PCDHA5: variants seen among roughly 807,000 people sequenced by gnomAD.
PCDHA5 encodes protocadherin alpha-5.
PCDHA5 carries 43 observed loss-of-function variants against 61.6 expected under a neutral mutation model. The ratio of observed to expected loss-of-function variants is 0.70; its 90% CI spans 0.55 to 0.90. The LOEUF is 0.90. Ranked by LOEUF, PCDHA5 falls within the 40% of genes least tolerant of loss-of-function variation. The probability of loss-of-function intolerance (pLI) is 0.00; values close to 1 mark genes in which losing one functional copy is unlikely to be tolerated. For synonymous variants in PCDHA5, 627 were observed against 543.9 expected (o/e 1.15, Z -2.13); for missense variants, 1,298 against 1,222.7 (o/e 1.06, Z -0.92).
At chr5:140,862,620 G>C in intron 1 of PCDHA5, 1 of 528,384 alleles carries the variant, frequency 1.9e-6, no homozygotes, top group Non-Finnish European at 3.8e-6. Context: ...GTAACAACCC[G>C]CGGGGCTGCC....
At chr5:140,865,421 T>C (rs2048870756) in intron 1 of PCDHA5, 1 of 152,208 alleles carries the variant, frequency 6.6e-6, no homozygotes, top group Non-Finnish European at 1.5e-5. Context: ...TAGTAGTGTC[T>C]ACCTAGAAAA....
chr5:140,941,185 C>CTTT (rs782102770), intron 1 of PCDHA5, among the ~76,000 whole-genome samples: 77 of 102,238 alleles, frequency 7.5e-4, no homozygotes, highest in Admixed American at 3.0e-3. Flanking sequence ...CATCCTGCTT[C>CTTT]TTTTTTTTTC....
intron 1 of PCDHA5, chr5:140,870,359 C>T (rs781862161): frequency 2.5e-6 from 4 of 1,614,204 alleles, no homozygotes; most frequent in Middle Eastern, 1.6e-4. Context: ...AACGTGTGGG[C>T]CTATGAACTG....
intron 1 of PCDHA5, among the ~76,000 whole-genome samples, chr5:140,948,438 G>A (rs2094254732): frequency 6.6e-6 from 1 of 151,474 alleles, no homozygotes; most frequent in South Asian, 2.1e-4. Context: ...GAAACATTCT[G>A]TGCCAGGGAT....
chr5:140,836,616 G>A, intron 1 of PCDHA5: 5 of 1,613,694 alleles, frequency 3.1e-6, no homozygotes, highest in Non-Finnish European at 4.2e-6. Context: ...CTCCAGCGCG[G>A]TGGGGAGCTG....
intron 1 of PCDHA5, among the ~76,000 whole-genome samples, chr5:140,965,464 C>T (rs987279720): frequency 1.3e-5 from 2 of 151,782 alleles, no homozygotes; most frequent in Admixed American, 1.3e-4. Context: ...AAGATAAATC[C>T]CAGACTCCCA....
chr5:140,944,301 C>T (rs1320988632), intron 1 of PCDHA5, among the ~76,000 whole-genome samples: 1 of 152,176 alleles, frequency 6.6e-6, no homozygotes, highest in Non-Finnish European at 1.5e-5. Flanking sequence ...GATCCTCCTA[C>T]CTCAGCCTCC....
chr5:140,829,536 C>A, intron 1 of PCDHA5: 1 of 1,613,152 alleles, frequency 6.2e-7, no homozygotes, highest in Middle Eastern at 1.9e-4. Flanking sequence ...GCGCGAGACG[C>A]GGACGCGCAG....
At chr5:140,928,809 G>A (rs1563109634) in intron 1 of PCDHA5, 2 of 1,614,078 alleles carry the variant, frequency 1.2e-6, no homozygotes, top group African/African-American at 2.7e-5. Flanking sequence ...TAGTGGTTCG[G>A]GACCATGGAG....
Position 140,928,944 on chromosome 5 carries a change from A to C in PCDHA5, c.2353-50005A>C, listed in dbSNP as rs782627710. The C allele has an allele frequency of 6.2e-6, 10 of 1,614,070 alleles. No homozygotes were observed. In the Admixed American group the frequency reaches 1.7e-4, roughly 27 times the overall value. On this transcript the variant is annotated intron_variant, in intron 1 of 3. Transcript: ENST00000529859. ...AGCTTTCTGCCCAGAACTTGTATTTAGTAATTGCCTTGGCTTGTATTTCCT... is the reference window on the plus strand; with the variant it reads ...AGCTTTCTGCCCAGAACTTGTATTTCGTAATTGCCTTGGCTTGTATTTCCT...
intron 1 of PCDHA5, among the ~76,000 whole-genome samples, chr5:140,937,865 T>C (rs1056873213): frequency 2.0e-5 from 3 of 149,988 alleles, no homozygotes; most frequent in Non-Finnish European, 2.9e-5. Context: ...TGAGCCGAGA[T>C]CGCGCCACTG....
chr5:140,852,911 C>G lies in PCDHA5; in HGVS notation c.2352+28784C>G, dbSNP rs2150524968. ...TTTTTTTTTTTGAGTCAGAGTCTCG[C>G]TCTGTTGCCCAGGCTGGAGTGCAGT... On this transcript the variant is annotated intron_variant, in intron 1 of 3. Transcript: ENST00000529859. The G allele has an allele frequency of 3.8e-6, 3 of 791,732 alleles. 1 individual carries two copies. The South Asian group carries it at 1.7e-4, about 44-fold the overall frequency. The allele number at this position is 791,732 out of a possible 1,614,324, so 49.0% of individuals were successfully genotyped here. A position where few individuals can be genotyped will look rare whatever the true frequency, so the allele number is the denominator to read the frequency against.
intron 1 of PCDHA5, chr5:140,869,855 T>C: frequency 6.2e-7 from 1 of 1,610,578 alleles, no homozygotes; most frequent in Non-Finnish European, 8.5e-7. Context: ...AAGGTGAGCC[T>C]TATGGAAAAT....
At position 140,822,983 on chromosome 5, in the gene PCDHA5, A is replaced by G. The variant is rs2150121029; in HGVS notation, c.1208A>G (p.Tyr403Cys). ...PFKLVSTFKNYYSLVLDSALD... is the reference protein window; with the variant it reads ...PFKLVSTFKNCYSLVLDSALD... ...AAGCTGGTGTCCACCTTCAAGAATT[A>G]CTACTCGTTGGTGCTGGACAGCGCC... The change falls in exon 1 of 4, where the codon TAC becomes TGC. Residue 403 changes from tyrosine to cysteine, a missense_variant. Coordinates refer to ENST00000529859, the MANE Select transcript of PCDHA5 (RefSeq NM_018908.3). 1.2e-6 allele frequency: 2 copies of G among 1,614,216 alleles called. No homozygotes were observed. The highest frequency in any genetic ancestry group is 1.1e-5 in the South Asian group (1 of 91,090).
chr5:141,002,261 C>A (rs373363788), intron 3 of PCDHA5, among the ~76,000 whole-genome samples: 1 of 152,224 alleles, frequency 6.6e-6, no homozygotes, highest in East Asian at 1.9e-4. Context: ...CACTGAAATC[C>A]CAGAGCTGGT....
chr5:141,005,959 A>G (rs1225421383), intron 3 of PCDHA5, among the ~76,000 whole-genome samples: 1 of 152,048 alleles, frequency 6.6e-6, no homozygotes, highest in African/African-American at 2.4e-5. Context: ...ACAAACAACA[A>G]TAAAAAAACA....
chr5:140,848,945 T>G (rs1554142609), intron 1 of PCDHA5: 5 of 1,607,094 alleles, frequency 3.1e-6, no homozygotes, highest in South Asian at 1.1e-5. Flanking sequence ...CGCTTGACTC[T>G]CGGTTTCCAC....
At chr5:140,835,189 T>C in intron 1 of PCDHA5, 2 of 1,537,800 alleles carry the variant, frequency 1.3e-6, no homozygotes, top group Non-Finnish European at 8.8e-7. Flanking sequence ...GCCTCAGATT[T>C]AGACGAAGGC....
Position 140,823,734 on chromosome 5 carries a change from T to A in PCDHA5, c.1959T>A (p.His653Gln). 3.1e-6 allele frequency: 5 copies of A among 1,613,778 alleles called. No homozygotes were observed. The highest frequency in any genetic ancestry group is 4.2e-6 in the Non-Finnish European group (5 of 1,179,916). The change falls in exon 1 of 4, where the codon CAT becomes CAA. Residue 653 changes from histidine to glutamine, a missense_variant. Transcript: ENST00000529859. ...RHRLLVLVKD[H>Q]GEPPLTATAT... ...GCCTTCTGGTGCTGGTGAAGGACCA[T>A]GGAGAGCCCCCGCTGACAGCCACAG... is the stretch of plus-strand genomic sequence containing the variant.
Sources: gnomAD v4.1 joint callset for allele counts (sites outside exome capture counted in the v4.1 genomes callset) on GRCh38, gnomAD v4.1.1 for gene constraint, MANE v1.5 for transcripts, NCBI Gene and HGNC (gene_info 2026-07-23, HGNC 2026-07-21) for gene names.